LUC7L2: variants seen among roughly 807,000 people sequenced by gnomAD.
LUC7L2 encodes LUC7 like 2, pre-mRNA splicing factor.
In LUC7L2, 25 loss-of-function variants were observed where a neutral mutation model predicts 52.8. That is an observed-to-expected ratio of 0.47 (90% CI 0.34 to 0.66). The LOEUF is 0.66. Among genes scored for constraint, LUC7L2 ranks in the 30% least tolerant of loss-of-function variants. LUC7L2 has a pLI of 0.01. For synonymous variants in LUC7L2, 144 were observed against 160.9 expected, an observed-to-expected ratio of 0.89 and a Z score of 0.80; for missense variants, 328 against 497.8, an observed-to-expected ratio of 0.66 and a Z score of 3.25.
intron 2 of LUC7L2, among the ~76,000 whole-genome samples, chr7:139,382,205 A>G (rs1801067823): frequency 6.6e-6 from 1 of 151,954 alleles, no homozygotes; most frequent in Non-Finnish European, 1.5e-5. Flanking sequence ...TTGTATTTTT[A>G]ATAGAGATTG....
intron 1 of LUC7L2, among the ~76,000 whole-genome samples, chr7:139,344,272 C>T (rs896369144): frequency 6.6e-6 from 1 of 152,090 alleles, no homozygotes. Flanking sequence ...ACTGTGGGGA[C>T]TGGTTCCAGG....
chr7:139,377,603 A>AGGCTG (rs1435694604), intron 2 of LUC7L2, among the ~76,000 whole-genome samples: 1 of 152,064 alleles, frequency 6.6e-6, no homozygotes, highest in African/African-American at 2.4e-5. Context: ...CATGTTGGCC[A>AGGCTG]GGCTGGTCTC....
chr7:139,380,264 A>G (rs746644103), intron 2 of LUC7L2, among the ~76,000 whole-genome samples: 14 of 152,122 alleles, frequency 9.2e-5, no homozygotes, highest in Non-Finnish European at 2.1e-4. Flanking sequence ...TATAAGAAAT[A>G]TGAATATTTT....
intron 1 of LUC7L2, among the ~76,000 whole-genome samples, chr7:139,343,421 T>C (rs2131139273): frequency 6.6e-6 from 1 of 152,158 alleles, no homozygotes; most frequent in East Asian, 1.9e-4. Context: ...TCCAAAAAAT[T>C]TGAAAATTAT....
Position 139,384,862 on chromosome 7 carries a change from C to T in LUC7L2, c.156+8706C>T, listed in dbSNP as rs552196911. On this transcript the variant is annotated intron_variant, in intron 2 of 9. Coordinates refer to ENST00000354926, the MANE Select transcript of LUC7L2 (RefSeq NM_016019.5). ...CCTTGAACTCCTGGGCTCAGTTGAT[C>T]CTTCCAACTCAGCCTCCTAAGTAGC... 1.2e-4 allele frequency among the ~76,000 whole-genome samples: 19 copies of T among 152,138 alleles called. 2 individuals are homozygous for T. Among genetic ancestry groups the T allele is most frequent in the African/African-American group, 4.1e-4 (17 of 41,506 alleles).
At chr7:139,387,647 G>A (rs908596179) in intron 2 of LUC7L2, among the ~76,000 whole-genome samples, 11 of 152,242 alleles carry the variant, frequency 7.2e-5, no homozygotes, top group African/African-American at 2.2e-4. Flanking sequence ...TTGTTCCTAC[G>A]CAAAACTTGT....
chr7:139,346,783 T>C (rs1181578912), intron 1 of LUC7L2, among the ~76,000 whole-genome samples: 9 of 152,130 alleles, frequency 5.9e-5, no homozygotes, highest in Admixed American at 5.9e-4. Context: ...TGTCTCCTAA[T>C]CTTGTCAAAT....
At chr7:139,394,408 T>C (rs1005603752) in intron 2 of LUC7L2, among the ~76,000 whole-genome samples, 4 of 152,220 alleles carry the variant, frequency 2.6e-5, no homozygotes, top group African/African-American at 9.6e-5. Flanking sequence ...AAAGTCCACC[T>C]CTACTATAGT....
At chr7:139,345,477 AT>A (rs1335793005) in intron 1 of LUC7L2, 1 of 1,613,844 alleles carries the variant, frequency 6.2e-7, no homozygotes, top group Admixed American at 1.7e-5. Flanking sequence ...TGGGTTAAGA[AT>A]TTCTGACTTG....
At chr7:139,398,731 C>G (rs1385435582) in intron 3 of LUC7L2, 34 bp downstream of exon 3, 7 of 1,586,340 alleles carry the variant, frequency 4.4e-6, no homozygotes, top group Non-Finnish European at 6.0e-6. Flanking sequence ...TTGTTGTTAT[C>G]TTTTGCTGTA....
intron 2 of LUC7L2, among the ~76,000 whole-genome samples, chr7:139,398,178 A>G (rs1050201148): frequency 1.3e-5 from 2 of 152,108 alleles, no homozygotes; most frequent in Non-Finnish European, 2.9e-5. Context: ...GTTTTTGAGG[A>G]CTCCATCTTT....
At chr7:139,341,087 A>G (rs6959970) in intron 1 of LUC7L2, 29,593 of 298,354 alleles carry the variant, frequency 0.099, 5,115 homozygotes, top group African/African-American at 0.46. Context: ...TTGGTCGGCT[A>G]ACGGGCATCT....
chr7:139,374,604 T>C (rs1249299023), intron 1 of LUC7L2: 2 of 1,500,512 alleles, frequency 1.3e-6, no homozygotes, highest in East Asian at 2.5e-5. Flanking sequence ...ATATTCCAAA[T>C]TGTGTCAAAA....
chr7:139,394,668 C>T (rs1213865141), intron 2 of LUC7L2, among the ~76,000 whole-genome samples: 3 of 151,948 alleles, frequency 2.0e-5, no homozygotes, highest in African/African-American at 7.3e-5. Context: ...AAAGGAGATA[C>T]GGAAGAAAGG....
intron 2 of LUC7L2, 147 bp downstream of exon 2, chr7:139,376,303 A>AG: frequency 1.2e-6 from 1 of 811,594 alleles, no homozygotes; most frequent in Non-Finnish European, 1.8e-6. Flanking sequence ...TGATTACTTA[A>AG]ATCTTCAGTA....
chr7:139,356,041 T>G (rs1172166567), upstream of LUC7L2, among the ~76,000 whole-genome samples: 2 of 152,332 alleles, frequency 1.3e-5, no homozygotes, highest in East Asian at 3.9e-4. Flanking sequence ...GCGTGGTGGC[T>G]CACACCTGTA....
chr7:139,407,144 A>G (rs757198840), intron 5 of LUC7L2, 30 bp from the exon 6 acceptor site: 2 of 1,589,202 alleles, frequency 1.3e-6, no homozygotes, highest in Non-Finnish European at 1.7e-6. Context: ...TGAGATTTAT[A>G]TGGTCATTGT....
chr7:139,407,445 T>A lies in LUC7L2; in HGVS notation c.687+95T>A, dbSNP rs899387938. On this transcript the variant is annotated intron_variant, in intron 6 of 9. Coordinates refer to ENST00000354926, the MANE Select transcript of LUC7L2 (RefSeq NM_016019.5). The stretch of plus-strand genomic sequence containing the variant: ...AATATTCTTGACTATGATTCAGTAA[T>A]ATAGTATCTAATGATTAATACTAAA... 3 of 1,363,986 alleles carry A rather than the reference T, an allele frequency of 2.2e-6. No homozygotes were observed. The African/African-American group carries it at 4.4e-5, about 20-fold the overall frequency. 84.5% of individuals were successfully genotyped at this position (1,363,986 alleles called of 1,614,324 possible).
chr7:139,345,568 T>C (rs1169026538), intron 1 of LUC7L2: 1 of 1,614,178 alleles, frequency 6.2e-7, no homozygotes, highest in Non-Finnish European at 8.5e-7. Context: ...TATCTCTGCC[T>C]CCTGCGTAGC....
Sources: allele counts gnomAD v4.1 joint callset (sites outside exome capture counted in the v4.1 genomes callset), GRCh38; gene constraint gnomAD v4.1.1; transcripts MANE v1.5; gene names NCBI Gene and HGNC (gene_info 2026-07-23, HGNC 2026-07-21).